The following TENT4A variants were observed in gnomAD, a reference collection of about 807,000 sequenced individuals.
TENT4A encodes the protein terminal nucleotidyltransferase 4A.
Under a neutral mutation model 72.8 loss-of-function variants are expected in TENT4A, and 7 were observed. The observed-to-expected ratio is 0.10, with a 90% confidence interval of 0.05 to 0.18. The LOEUF (loss-of-function observed/expected upper bound fraction) is 0.18, where lower values mean the gene tolerates loss of function less well. Ranked by LOEUF, TENT4A falls within the 10% of genes least tolerant of loss-of-function variation. The pLI is 1.00. For synonymous variants in TENT4A, 456 were observed against 434.3 expected, an observed-to-expected ratio of 1.05 and a Z score of -0.62; for missense variants, 831 against 1,017.7, an observed-to-expected ratio of 0.82 and a Z score of 2.50.
rs902512589 is a variant in TENT4A, at chr5:6,714,470, G to C, written c.487G>C (p.Ala163Pro). ...ADGAPSAPGT[A>P]NGHPGPRGPA... ...CGGCGCGCCCAGCGCCCCTGGCACA[G>C]CCAACGGGCACCCCGGGCCGCGCGG... The change falls in exon 1 of 13, where the codon GCC (alanine) becomes CCC (proline). Residue 163 changes from alanine (A) to proline (P), a missense_variant. Physicochemically the swap from Ala to Pro is conservative, Grantham distance 27. Transcript: ENST00000230859. 2.4e-4 allele frequency: 288 copies of C among 1,181,474 alleles called. No individual in the cohort carries two copies. The highest frequency in any genetic ancestry group is 2.9e-4 in the Non-Finnish European group (275 of 955,840). 73.2% of individuals were successfully genotyped at this position (1,181,474 alleles called of 1,614,324 possible). A position where few individuals can be genotyped will look rare whatever the true frequency, so the allele number is the denominator to read the frequency against.
chr5:6,720,467 C>T (rs989545844), intron 1 of TENT4A, among the ~76,000 whole-genome samples: 4 of 152,140 alleles, frequency 2.6e-5, no homozygotes, highest in African/African-American at 7.2e-5. Context: ...GTGGTTACTA[C>T]TGAACTCAGG....
At chr5:6,714,923 C>G (rs923874306) in intron 1 of TENT4A, 2 of 264,886 alleles carry the variant, frequency 7.6e-6, no homozygotes, top group African/African-American at 4.5e-5. Flanking sequence ...AGAAAAGGGG[C>G]TGCTGGGTAG....
intron 3 of TENT4A, 29 bp downstream of exon 3, chr5:6,738,758 A>G (rs565272025): frequency 1.3e-6 from 2 of 1,551,948 alleles, no homozygotes; most frequent in East Asian, 2.2e-5. Flanking sequence ...GGCATGGGCT[A>G]GTGGGGGGCT....
intron 4 of TENT4A, among the ~76,000 whole-genome samples, chr5:6,741,704 G>GA (rs1741815421): frequency 6.6e-6 from 1 of 152,220 alleles, no homozygotes; most frequent in Non-Finnish European, 1.5e-5. Context: ...CTCAAGTGTA[G>GA]ACATTAAAGC....
At chr5:6,737,694 GTGA>G in intron 2 of TENT4A, 61 bp downstream of exon 2, 1 of 1,549,908 alleles carries the variant, frequency 6.5e-7, no homozygotes, top group East Asian at 2.3e-5. Flanking sequence ...TAAATACCCT[GTGA>G]TGATGATGTG....
chr5:6,736,194 A>T (rs1316543135), intron 1 of TENT4A, among the ~76,000 whole-genome samples: 1 of 150,824 alleles, frequency 6.6e-6, no homozygotes, highest in Non-Finnish European at 1.5e-5. Context: ...CTTGTAGCCT[A>T]GCCTTAAGCC....
intron 1 of TENT4A, among the ~76,000 whole-genome samples, chr5:6,733,109 A>G (rs1237452055): frequency 1.3e-5 from 2 of 152,246 alleles, no homozygotes; most frequent in African/African-American, 4.8e-5. Flanking sequence ...TGTGTATCAT[A>G]TAGGAGTTTC....
At chr5:6,728,701 T>C (rs1192466273) in intron 1 of TENT4A, among the ~76,000 whole-genome samples, 1 of 152,174 alleles carries the variant, frequency 6.6e-6, no homozygotes, top group African/African-American at 2.4e-5. Context: ...TGGTGTGACT[T>C]TAGTGTAAAG....
At chr5:6,742,254 A>G (rs1198976560) in intron 4 of TENT4A, among the ~76,000 whole-genome samples, 1 of 151,882 alleles carries the variant, frequency 6.6e-6, no homozygotes, top group African/African-American at 2.4e-5. Context: ...ATGCTTGGTC[A>G]CCTCTGGTGC....
chr5:6,726,540 G>T (rs1464436614), intron 1 of TENT4A, among the ~76,000 whole-genome samples: 1 of 152,142 alleles, frequency 6.6e-6, no homozygotes, highest in Non-Finnish European at 1.5e-5. Context: ...GGCATCCACT[G>T]TCCTCTACCG....
At chr5:6,723,945 G>A (rs1245534608) in intron 1 of TENT4A, among the ~76,000 whole-genome samples, 1 of 152,222 alleles carries the variant, frequency 6.6e-6, no homozygotes, top group Non-Finnish European at 1.5e-5. Context: ...GAAGAGTGGA[G>A]CATCTGATGA....
At chr5:6,741,539 A>G (rs1741805929) in intron 4 of TENT4A, among the ~76,000 whole-genome samples, 1 of 152,196 alleles carries the variant, frequency 6.6e-6, no homozygotes, top group Admixed American at 6.5e-5. Context: ...CTTCCAAAGC[A>G]GTTTCTGATG....
In TENT4A at chr5:6,750,263, G is replaced by A. The variant is rs1211278487; in HGVS notation, c.1688-68G>A. 5 of 1,375,994 alleles carry A rather than the reference G, an allele frequency of 3.6e-6. No homozygotes were observed. The Admixed American group carries it at 1.2e-4, about 32-fold the overall frequency. The allele number at this position is 1,375,994 out of a possible 1,614,324, so 85.2% of individuals were successfully genotyped here. ...TCCCGGCTCAGCAGAGCCCGTGACT[G>A]ATGCTGCCGGGGCGGCTCCACGCCG... On this transcript the variant is annotated intron_variant, in intron 9 of 12. Coordinates refer to ENST00000230859, the MANE Select transcript of TENT4A (RefSeq NM_006999.6).
At chr5:6,728,142 G>A (rs1579460961) in intron 1 of TENT4A, among the ~76,000 whole-genome samples, 2 of 152,254 alleles carry the variant, frequency 1.3e-5, no homozygotes, top group East Asian at 3.9e-4. Flanking sequence ...GGGGTCTCAC[G>A]GCGCCCGTGA....
chr5:6,755,225 G>A lies in TENT4A; in HGVS notation c.*280G>A. 1 of 326,072 alleles carries A rather than the reference G, an allele frequency of 3.1e-6. No homozygotes were observed. Among genetic ancestry groups the A allele is most frequent in the East Asian group, 4.9e-5 (1 of 20,500 alleles). 20.2% of individuals were successfully genotyped at this position (326,072 alleles called of 1,614,324 possible). A position where few individuals can be genotyped will look rare whatever the true frequency, so the allele number is the denominator to read the frequency against. ...GCAGGTCGGGCTCAGGAACTGCAGG[G>A]ACGTGAACATGCGCTTGCGGTTTGA... On this transcript the variant is annotated 3_prime_UTR_variant, in exon 13 of 13. Coordinates refer to ENST00000230859, the MANE Select transcript of TENT4A (RefSeq NM_006999.6).
intron 9 of TENT4A, 65 bp downstream of exon 9, chr5:6,749,722 CTA>C: frequency 1.9e-6 from 2 of 1,049,366 alleles, no homozygotes; most frequent in Non-Finnish European, 3.0e-6. Context: ...AGAAGTGTCT[CTA>C]TTCCTTTGTG....
chr5:6,721,166 A>G (rs1206020676), intron 1 of TENT4A, among the ~76,000 whole-genome samples: 2 of 152,188 alleles, frequency 1.3e-5, no homozygotes, highest in African/African-American at 2.4e-5. Flanking sequence ...TCTTAGTGCC[A>G]AGCACACGGT....
At chr5:6,739,571 A>G (rs1207454851) in intron 3 of TENT4A, among the ~76,000 whole-genome samples, 161 bp from the exon 4 acceptor site, 3 of 152,220 alleles carry the variant, frequency 2.0e-5, no homozygotes, top group Admixed American at 6.5e-5. Flanking sequence ...GCTGTAGTTC[A>G]TGAACTGCAC....
chr5:6,718,963 T>A (rs1342934831), intron 1 of TENT4A, among the ~76,000 whole-genome samples: 1 of 151,216 alleles, frequency 6.6e-6, no homozygotes, highest in East Asian at 1.9e-4. Flanking sequence ...TCCAATCTTT[T>A]CGCAGGAAAA....
Sources: gnomAD v4.1 joint callset for allele counts (sites outside exome capture counted in the v4.1 genomes callset) on GRCh38, gnomAD v4.1.1 for gene constraint, MANE v1.5 for transcripts, NCBI Gene and HGNC (gene_info 2026-07-23, HGNC 2026-07-21) for gene names.